Variants in UMAD1 observed in about 807,000 individuals in gnomAD.
UMAD1 encodes UBAP1-MVB12-associated (UMA)-domain containing protein 1.
Under a neutral mutation model 6.1 loss-of-function variants are expected in UMAD1, and 8 were observed. The observed-to-expected ratio is 1.30, with a 90% CI of 0.76 to 2.35. The LOEUF (loss-of-function observed/expected upper bound fraction) is 2.35, where lower values mean the gene tolerates loss of function less well. Ranked by LOEUF, UMAD1 falls within the 30% of genes most tolerant of loss-of-function variation. The pLI, the probability that UMAD1 is intolerant of heterozygous loss-of-function variation, is 0.00. For synonymous variants in UMAD1, 56 were observed against 31.4 expected, an observed-to-expected ratio of 1.78 and a Z score of -2.61; for missense variants, 130 against 78.4, an observed-to-expected ratio of 1.66 and a Z score of -2.49.
intron 2 of UMAD1, among the ~76,000 whole-genome samples, chr7:7,793,943 G>GA (rs1041840537): frequency 6.6e-6 from 1 of 151,978 alleles, no homozygotes; most frequent in East Asian, 1.9e-4. Flanking sequence ...AATACACTTC[G>GA]AAAAAAAATT....
At chr7:7,714,601 T>C (rs770655316) in intron 2 of UMAD1, among the ~76,000 whole-genome samples, 6 of 152,238 alleles carry the variant, frequency 3.9e-5, no homozygotes, top group Non-Finnish European at 7.3e-5. Context: ...TAAATATCTT[T>C]AAATTCTCAT....
intron 2 of UMAD1, chr7:7,736,903 A>G (rs1781370334): frequency 1.3e-5 from 2 of 152,224 alleles, no homozygotes; most frequent in Admixed American, 1.3e-4. Context: ...GCTGCTTTTC[A>G]TTCTCCAGTG....
At chr7:7,686,363 C>T (rs1400061821) in intron 2 of UMAD1, among the ~76,000 whole-genome samples, 1 of 151,994 alleles carries the variant, frequency 6.6e-6, no homozygotes, top group Non-Finnish European at 1.5e-5. Flanking sequence ...ATCCCATTGG[C>T]AGTAAGGAAC....
intron 2 of UMAD1, among the ~76,000 whole-genome samples, chr7:7,778,630 A>G (rs919604008): frequency 6.6e-6 from 1 of 152,004 alleles, no homozygotes; most frequent in Admixed American, 6.6e-5. Context: ...TGCCCAAAGT[A>G]GTTTCAAATT....
chr7:7,817,920 C>G (rs1783164032), intron 3 of UMAD1, among the ~76,000 whole-genome samples: 1 of 152,070 alleles, frequency 6.6e-6, no homozygotes, highest in African/African-American at 2.4e-5. Flanking sequence ...CTCATGTGAT[C>G]TTCTCACCTC....
intron 3 of UMAD1, among the ~76,000 whole-genome samples, chr7:7,856,896 G>A (rs1474681565): frequency 1.3e-5 from 2 of 152,112 alleles, no homozygotes; most frequent in Admixed American, 6.5e-5. Context: ...ACATTTTTGT[G>A]CAAGTCAGAA....
At chr7:7,777,628 A>G (rs952654319) in intron 2 of UMAD1, among the ~76,000 whole-genome samples, 1 of 132,056 alleles carries the variant, frequency 7.6e-6, no homozygotes, top group Admixed American at 7.5e-5. Context: ...TGGCTTTTTA[A>G]CCTAGAAAAA....
rs374767756 is a variant in UMAD1 at position 7,676,787 on chromosome 7, C to T, written c.82+3334C>T. On this transcript the variant is annotated intron_variant, in intron 2 of 3. Coordinates refer to ENST00000682710, the MANE Select transcript of UMAD1 (RefSeq NM_001302348.2). Reference sequence around the variant, plus strand: ...TATATGGTTTAATTAGTGAAAACATCCTTCAGTGGTGAAGAACTTAACTGA... The same window carrying T: ...TATATGGTTTAATTAGTGAAAACATTCTTCAGTGGTGAAGAACTTAACTGA... 4.9e-4 allele frequency among the ~76,000 whole-genome samples: 74 copies of T among 152,178 alleles called. No homozygotes were observed. The South Asian group carries it at 8.3e-3, about 17-fold the overall frequency.
intron 2 of UMAD1, among the ~76,000 whole-genome samples, chr7:7,778,613 G>A (rs939940255): frequency 6.6e-6 from 1 of 151,786 alleles, no homozygotes; most frequent in Admixed American, 6.6e-5. Context: ...ATGAGGTCTC[G>A]CTCTGTTGCC....
intron 3 of UMAD1, among the ~76,000 whole-genome samples, chr7:7,847,197 C>T (rs1783820739): frequency 7.5e-6 from 1 of 132,968 alleles, no homozygotes; most frequent in East Asian, 2.2e-4. Context: ...CTTAGGGTGA[C>T]CAATGAACAT....
intron 3 of UMAD1, among the ~76,000 whole-genome samples, chr7:7,875,558 A>T (rs1462308965): frequency 6.6e-6 from 1 of 152,250 alleles, no homozygotes; most frequent in Non-Finnish European, 1.5e-5. Context: ...AATACTATAA[A>T]CACCTCTATG....
chr7:7,696,491 C>G (rs1363976040), intron 2 of UMAD1, among the ~76,000 whole-genome samples: 1 of 152,080 alleles, frequency 6.6e-6, no homozygotes, highest in African/African-American at 2.4e-5. Flanking sequence ...AAGAGGTAAC[C>G]TGTTATATGA....
At chr7:7,721,380 G>A (rs865895940) in intron 2 of UMAD1, among the ~76,000 whole-genome samples, 1 of 152,068 alleles carries the variant, frequency 6.6e-6, no homozygotes, top group African/African-American at 2.4e-5. Flanking sequence ...CTGTCATTGT[G>A]GTCAAATTTG....
At chr7:7,771,382 G>C (rs1197666918) in intron 2 of UMAD1, among the ~76,000 whole-genome samples, 4 of 152,116 alleles carry the variant, frequency 2.6e-5, no homozygotes, top group African/African-American at 9.7e-5. Flanking sequence ...GGAGCTATAT[G>C]GCAAAGCTGA....
At chr7:7,853,120 G>C (rs764126271) in intron 3 of UMAD1, among the ~76,000 whole-genome samples, 19 of 152,200 alleles carry the variant, frequency 1.2e-4, no homozygotes, top group South Asian at 8.3e-4. Context: ...CAGAAACTGT[G>C]GACGAAAACC....
At chr7:7,779,337 T>C (rs979414317) in intron 2 of UMAD1, among the ~76,000 whole-genome samples, 2 of 152,144 alleles carry the variant, frequency 1.3e-5, no homozygotes, top group Non-Finnish European at 2.9e-5. Flanking sequence ...AGTGCAGTAC[T>C]ACAATCATAG....
At chr7:7,663,452 C>T (rs1261129424) in intron 1 of UMAD1, among the ~76,000 whole-genome samples, 1 of 152,082 alleles carries the variant, frequency 6.6e-6, no homozygotes, top group Non-Finnish European at 1.5e-5. Flanking sequence ...GGCATCTGTA[C>T]CTCTTCCCCA....
chr7:7,793,407 C>T (rs1408578352), intron 2 of UMAD1, among the ~76,000 whole-genome samples: 1 of 152,144 alleles, frequency 6.6e-6, no homozygotes, highest in Admixed American at 6.5e-5. Flanking sequence ...GGCCATTCCC[C>T]TGTTCTTTCC....
chr7:7,770,192 C>T (rs1343027342), intron 2 of UMAD1, among the ~76,000 whole-genome samples: 2 of 152,116 alleles, frequency 1.3e-5, no homozygotes, highest in African/African-American at 2.4e-5. Flanking sequence ...GGCACATACT[C>T]CCTCGGCTTG....
Sources: gnomAD v4.1 joint callset for allele counts (sites outside exome capture counted in the v4.1 genomes callset) on GRCh38, gnomAD v4.1.1 for gene constraint, MANE v1.5 for transcripts, NCBI Gene and HGNC (gene_info 2026-07-23, HGNC 2026-07-21) for gene names.